The following COBLL1 variants were observed in gnomAD, a reference collection of about 807,000 sequenced individuals.
The protein encoded by COBLL1 is cordon-bleu protein-like 1.
A neutral mutation model predicts 94.8 loss-of-function variants in COBLL1; 50 were observed. The ratio of observed to expected loss-of-function variants is 0.53; its 90% CI spans 0.42 to 0.67. The LOEUF (loss-of-function observed/expected upper bound fraction) is 0.67, where lower values mean the gene tolerates loss of function less well. Among genes scored for constraint, COBLL1 ranks in the 30% least tolerant of loss-of-function variants. The probability of loss-of-function intolerance (pLI) is 0.00; values close to 1 mark genes in which losing one functional copy is unlikely to be tolerated. For synonymous variants in COBLL1, 448 were observed against 473.8 expected (o/e 0.95, Z 0.71); for missense variants, 1,362 against 1,348.7 (o/e 1.01, Z -0.15).
At chr2:164,800,667 G>C (rs1012994798) in intron 2 of COBLL1, 1 of 651,578 alleles carries the variant, frequency 1.5e-6, no homozygotes, top group African/African-American at 1.8e-5. Flanking sequence ...GTATTCAATG[G>C]GTGAATGGAT....
intron 2 of COBLL1, among the ~76,000 whole-genome samples, chr2:164,799,493 C>A (rs1443479982): frequency 2.0e-5 from 3 of 152,148 alleles, no homozygotes; most frequent in Non-Finnish European, 4.4e-5. Flanking sequence ...ATATCCTGTT[C>A]ATGGATTAGA....
chr2:164,775,525 T>A (rs1688421869), intron 2 of COBLL1, among the ~76,000 whole-genome samples: 1 of 152,146 alleles, frequency 6.6e-6, no homozygotes, highest in African/African-American at 2.4e-5. Context: ...TGCAGTGGTG[T>A]GACTTTGGCT....
At position 164,705,775 on chromosome 2, in the gene COBLL1, T is replaced by C. The variant is rs568619731; in HGVS notation, c.997-670A>G. 4.6e-5 allele frequency among the ~76,000 whole-genome samples: 7 copies of C among 152,286 alleles called. No homozygotes were observed. In the East Asian group the frequency reaches 1.2e-3, roughly 25 times the overall value. Reference sequence around the variant, plus strand: ...GTGGCTCACACCTGTAATTCCAAAGTGTGGCTCACACACTTTGGAAGGCCA... The same window carrying C: ...GTGGCTCACACCTGTAATTCCAAAGCGTGGCTCACACACTTTGGAAGGCCA... On this transcript the variant is annotated intron_variant, in intron 7 of 13. Coordinates refer to ENST00000652658, the MANE Select transcript of COBLL1 (RefSeq NM_001365672.2).
At chr2:164,779,664 G>A (rs1052393507) in intron 2 of COBLL1, 1 of 470,796 alleles carries the variant, frequency 2.1e-6, no homozygotes, top group African/African-American at 2.0e-5. Context: ...CCTTACGGCA[G>A]GGATATTCTC....
rs1386550560 is a variant in COBLL1 at position 164,841,774 on chromosome 2, C to T, written c.-115G>A. 1.8e-6 allele frequency: 1 copy of T among 560,820 alleles called. No homozygotes were observed. The highest frequency in any genetic ancestry group is 3.1e-6 in the Non-Finnish European group (1 of 322,812). 34.7% of individuals were successfully genotyped at this position (560,820 alleles called of 1,614,324 possible). A position where few individuals can be genotyped will look rare whatever the true frequency, so the allele number is the denominator to read the frequency against. On this transcript the variant is annotated 5_prime_UTR_variant, in exon 1 of 14. Transcript: ENST00000652658. The surrounding 1 kb of genome is among the most constrained non-coding windows in gnomAD (Gnocchi z 5.5). ...TCGCGGCTTCCTCTCCTACTCTTCC[C>T]TTCCCCGGCCCGCGCTCTTGCCGCT... is the stretch of plus-strand genomic sequence containing the variant.
intron 9 of COBLL1, among the ~76,000 whole-genome samples, chr2:164,701,903 G>T (rs1216394283): frequency 6.6e-6 from 1 of 150,468 alleles, no homozygotes; most frequent in African/African-American, 2.4e-5. Context: ...GGGAGGGGGG[G>T]GCGGGGTGGG....
chr2:164,721,418 T>C (rs1425271311), intron 7 of COBLL1, among the ~76,000 whole-genome samples: 1 of 152,160 alleles, frequency 6.6e-6, no homozygotes. Flanking sequence ...AGTTTGCAAA[T>C]GGATCTCCAC....
At position 164,775,389 on chromosome 2, in the gene COBLL1, C is replaced by T. The variant is rs374980987; in HGVS notation, c.42-31514G>A. Among the ~76,000 whole-genome samples, 16 of 152,200 alleles carry T rather than the reference C, an allele frequency of 1.1e-4. No homozygotes were observed. In the South Asian group the frequency reaches 3.3e-3, roughly 32 times the overall value. ...TGATGTTGCCAATCCTGAAATCTTTCCCTGAAAACAGACTCCTACGTGCAA... is the reference window on the plus strand; with the variant it reads ...TGATGTTGCCAATCCTGAAATCTTTTCCTGAAAACAGACTCCTACGTGCAA... On this transcript the variant is annotated intron_variant, in intron 2 of 13. Transcript: ENST00000652658.
intron 2 of COBLL1, among the ~76,000 whole-genome samples, chr2:164,660,301 G>T (rs1691049929): frequency 6.6e-6 from 1 of 152,172 alleles, no homozygotes; most frequent in African/African-American, 2.4e-5. Flanking sequence ...TAAGTAAACA[G>T]GGAAATAAAA....
chr2:164,779,749 G>C (rs1215508138), intron 2 of COBLL1: 1 of 470,876 alleles, frequency 2.1e-6, no homozygotes, highest in South Asian at 1.5e-5. Context: ...CCTTCCTTCA[G>C]GTCTTTCTTC....
At chr2:164,770,510 C>A (rs1194953827) in intron 2 of COBLL1, among the ~76,000 whole-genome samples, 1 of 152,122 alleles carries the variant, frequency 6.6e-6, no homozygotes, top group East Asian at 1.9e-4. Flanking sequence ...TACCCATATT[C>A]TGAAAAGTAA....
At chr2:164,791,094 C>T (rs999564852) in intron 2 of COBLL1, among the ~76,000 whole-genome samples, 1 of 152,112 alleles carries the variant, frequency 6.6e-6, no homozygotes, top group East Asian at 1.9e-4. Flanking sequence ...TGATTCTCTG[C>T]AGCCTATCTT....
chr2:164,738,070 A>G (rs1686407982), intron 3 of COBLL1, among the ~76,000 whole-genome samples: 1 of 152,138 alleles, frequency 6.6e-6, no homozygotes, highest in African/African-American at 2.4e-5. Flanking sequence ...TGTGTTTTCA[A>G]TTATGACATC....
intron 2 of COBLL1, among the ~76,000 whole-genome samples, chr2:164,802,003 G>T (rs1022125517): frequency 6.6e-6 from 1 of 152,142 alleles, no homozygotes. Context: ...CTTTGTAGCT[G>T]CATTTGAAGT....
intron 3 of COBLL1, among the ~76,000 whole-genome samples, chr2:164,741,280 C>G (rs1226352616): frequency 6.6e-6 from 1 of 151,362 alleles, no homozygotes; most frequent in Non-Finnish European, 1.5e-5. Flanking sequence ...TCTCAAAAAA[C>G]AAACAAAAAA....
At chr2:164,703,391 A>G (rs571723588) in intron 9 of COBLL1, among the ~76,000 whole-genome samples, 1 of 152,354 alleles carries the variant, frequency 6.6e-6, no homozygotes, top group Non-Finnish European at 1.5e-5. Flanking sequence ...GATATGAAGC[A>G]AAGTTTGAAT....
At position 164,760,707 on chromosome 2, in the gene COBLL1, T is replaced by C. The variant is rs189669641; in HGVS notation, c.42-16832A>G. On this transcript the variant is annotated intron_variant, in intron 2 of 13. Coordinates refer to ENST00000652658, the MANE Select transcript of COBLL1 (RefSeq NM_001365672.2). ...GGGCACAGAGAAACTTTCTGCACTA[T>C]TTCTGTAACTTCTTTCAAAGAAAAC... is the stretch of plus-strand genomic sequence containing the variant. Among the ~76,000 whole-genome samples, 422 of 152,248 alleles carry C rather than the reference T, an allele frequency of 2.8e-3. 2 individuals are homozygous for C. Among genetic ancestry groups the C allele is most frequent in the African/African-American group, 9.9e-3 (411 of 41,534 alleles).
chr2:164,683,563 A>T lies in COBLL1; in HGVS notation c.*2383T>A, dbSNP rs998518567. The T allele has an allele frequency of 6.6e-6, 1 of 152,178 alleles. No homozygotes were observed. Among genetic ancestry groups the T allele is most frequent in the African/African-American group, 2.4e-5 (1 of 41,476 alleles). 9.4% of individuals were successfully genotyped at this position (152,178 alleles called of 1,614,324 possible). On this transcript the variant is annotated 3_prime_UTR_variant, in exon 14 of 14. Transcript: ENST00000652658. ...TAGAATATAATAAGCACTTGTTTTCAAACAGCAGTTTATAAAATACTACGA... is the reference window on the plus strand; with the variant it reads ...TAGAATATAATAAGCACTTGTTTTCTAACAGCAGTTTATAAAATACTACGA...
chr2:164,730,076 C>T lies in COBLL1; in HGVS notation c.270G>A (p.Gln90=), dbSNP rs749322536. 1.6e-5 allele frequency: 26 copies of T among 1,613,844 alleles called. No individual in the cohort carries two copies. The highest frequency in any genetic ancestry group is 6.7e-5 in the East Asian group (3 of 44,854). The change falls in exon 4 of 14, where the codon CAG becomes CAA. Residue 90 remains glutamine, a synonymous_variant. Transcript: ENST00000652658. The stretch of plus-strand genomic sequence containing the variant: ...TGTAACTTGATGGATTTAAGTGATA[C>T]TGTGCACAAAGGAATATCAACAAGT... ...MMDLLIFLCA[Q]YHLNPSSYTI...
Sources: allele counts gnomAD v4.1 joint callset (sites outside exome capture counted in the v4.1 genomes callset), GRCh38; gene constraint gnomAD v4.1.1; non-coding constraint Gnocchi (gnomAD v3.1); transcripts MANE v1.5; gene names NCBI Gene and HGNC (gene_info 2026-07-23, HGNC 2026-07-21).